Variants in LRBA observed in about 807,000 individuals in gnomAD.
LRBA encodes lipopolysaccharide-responsive and beige-like anchor protein.
In LRBA, 176 loss-of-function variants were observed where a neutral mutation model predicts 330.0. The observed-to-expected ratio is 0.53, with a 90% CI of 0.47 to 0.60. The LOEUF (loss-of-function observed/expected upper bound fraction) is 0.60, where lower values mean the gene tolerates loss of function less well. LRBA is among the 20% of genes least tolerant of loss of function. The pLI, the probability that LRBA is intolerant of heterozygous loss-of-function variation, is 0.00. For synonymous variants in LRBA, 1,230 were observed against 1,193.0 expected (o/e 1.03, Z -0.64); for missense variants, 3,259 against 3,444.8 (o/e 0.95, Z 1.35).
chr4:150,680,085 C>T (rs1047767633), intron 37 of LRBA, among the ~76,000 whole-genome samples: 1 of 152,084 alleles, frequency 6.6e-6, no homozygotes, highest in African/African-American at 2.4e-5. Context: ...CTCCATGCAC[C>T]GGAAAAAAAT....
At chr4:150,380,657 CTT>C (rs1742079331) in intron 47 of LRBA, among the ~76,000 whole-genome samples, 1 of 151,932 alleles carries the variant, frequency 6.6e-6, no homozygotes, top group Non-Finnish European at 1.5e-5. Flanking sequence ...ATTATTTTCT[CTT>C]GTTTATTTTT....
At chr4:150,874,295 G>A (rs1398717471) in intron 17 of LRBA, among the ~76,000 whole-genome samples, 1 of 152,146 alleles carries the variant, frequency 6.6e-6, no homozygotes, top group Non-Finnish European at 1.5e-5. Flanking sequence ...GGAGCTAACT[G>A]GGAAAGAGGT....
intron 34 of LRBA, among the ~76,000 whole-genome samples, chr4:150,791,398 T>C (rs985576314): frequency 6.6e-6 from 1 of 152,246 alleles, no homozygotes; most frequent in Non-Finnish European, 1.5e-5. Context: ...TATTATCTTA[T>C]ATTACAATTA....
At chr4:150,360,020 G>A (rs1275056882) in intron 47 of LRBA, among the ~76,000 whole-genome samples, 1 of 151,770 alleles carries the variant, frequency 6.6e-6, no homozygotes, top group African/African-American at 2.4e-5. Context: ...ATGTTCAATA[G>A]TGGAATGCAC....
intron 40 of LRBA, among the ~76,000 whole-genome samples, chr4:150,558,958 T>C (rs971357054): frequency 6.6e-6 from 1 of 152,072 alleles, no homozygotes; most frequent in Non-Finnish European, 1.5e-5. Flanking sequence ...AGACTAGCAA[T>C]ATCAGACAAC....
chr4:150,944,740 T>C (rs1187560004), intron 2 of LRBA, among the ~76,000 whole-genome samples: 1 of 152,226 alleles, frequency 6.6e-6, no homozygotes, highest in Non-Finnish European at 1.5e-5. Context: ...GGCATGACTC[T>C]ATACATCTGA....
chr4:150,689,886 C>T (rs531916941), intron 36 of LRBA, among the ~76,000 whole-genome samples: 1 of 152,118 alleles, frequency 6.6e-6, no homozygotes, highest in South Asian at 2.1e-4. Context: ...GATTGTGCCA[C>T]TGCACTCCAG....
At chr4:150,362,977 AT>A (rs1259912938) in intron 47 of LRBA, among the ~76,000 whole-genome samples, 1 of 152,058 alleles carries the variant, frequency 6.6e-6, no homozygotes, top group African/African-American at 2.4e-5. Context: ...AAAATAAAAA[AT>A]AAAAAATAGC....
At chr4:150,427,899 T>C (rs1033954514) in intron 46 of LRBA, among the ~76,000 whole-genome samples, 1 of 151,952 alleles carries the variant, frequency 6.6e-6, no homozygotes, top group Admixed American at 6.6e-5. Flanking sequence ...ATGGAATGTA[T>C]TAACATGGTA....
At chr4:150,476,812 C>G (rs576371025) in intron 42 of LRBA, among the ~76,000 whole-genome samples, 1 of 152,256 alleles carries the variant, frequency 6.6e-6, no homozygotes, top group East Asian at 1.9e-4. Context: ...AAACTGGTAT[C>G]TGTGTGTATA....
chr4:150,632,130 C>G (rs909223646), intron 37 of LRBA, among the ~76,000 whole-genome samples: 2 of 151,700 alleles, frequency 1.3e-5, no homozygotes, highest in South Asian at 4.1e-4. Context: ...ACTTGGGAGG[C>G]TGAGGCAGGA....
chr4:150,527,502 A>G (rs2152188818), intron 40 of LRBA, among the ~76,000 whole-genome samples: 1 of 152,334 alleles, frequency 6.6e-6, no homozygotes, highest in East Asian at 1.9e-4. Context: ...ACAAGGGACC[A>G]ATAAGACAAA....
At chr4:150,893,198 T>C (rs1481762122) in intron 16 of LRBA, 49 bp from the exon 17 acceptor site, 1 of 979,508 alleles carries the variant, frequency 1.0e-6, no homozygotes, top group Admixed American at 2.1e-5. Flanking sequence ...AAAAACAACT[T>C]AGTTGAATAA....
At chr4:150,333,744 T>C (rs1345567007) in intron 48 of LRBA, among the ~76,000 whole-genome samples, 1 of 152,164 alleles carries the variant, frequency 6.6e-6, no homozygotes, top group African/African-American at 2.4e-5. Flanking sequence ...TTTGGAGGTA[T>C]GGTTCAACTT....
intron 36 of LRBA, among the ~76,000 whole-genome samples, chr4:150,707,626 A>G (rs1785761127): frequency 6.6e-6 from 1 of 151,714 alleles, no homozygotes; most frequent in Non-Finnish European, 1.5e-5. Context: ...TTTGTCCTAG[A>G]ATTGGGGATG....
chr4:150,710,911 T>C (rs1489370913), intron 36 of LRBA, among the ~76,000 whole-genome samples: 1 of 151,926 alleles, frequency 6.6e-6, no homozygotes, highest in Non-Finnish European at 1.5e-5. Flanking sequence ...AGGATACTAT[T>C]ATTCAGGCTA....
intron 14 of LRBA, among the ~76,000 whole-genome samples, chr4:150,898,875 A>G (rs1327728075): frequency 2.6e-5 from 4 of 152,294 alleles, no homozygotes; most frequent in South Asian, 2.1e-4. Flanking sequence ...TAAAAAGTTC[A>G]TAGCTTGCTA....
At position 150,282,608 on chromosome 4, in the gene LRBA, A is replaced by G; in HGVS notation, c.8158T>C (p.Leu2720=). The G allele has an allele frequency of 6.2e-7, 1 of 1,613,314 alleles. No homozygotes were observed. The highest frequency in any genetic ancestry group is 8.5e-7 in the Non-Finnish European group (1 of 1,179,546). The change falls in exon 55 of 57, where the codon TTG becomes CTG. Residue 2720 remains leucine (L), a synonymous_variant. Coordinates refer to ENST00000651943, the MANE Select transcript of LRBA (RefSeq NM_001364905.1). ...TTTTCAGGACCCTCCAAGGTCCTCA[A>G]CAAGTCTCCATTCATGGAATGTATG... ...CLIHSMNGDL[L]RTLEGPENCL...
intron 49 of LRBA, among the ~76,000 whole-genome samples, chr4:150,323,766 T>C (rs7683815): frequency 0.87 from 132,628 of 152,178 alleles, 58,495 homozygotes; most frequent in Non-Finnish European, 0.93. Context: ...AAGAAAACCA[T>C]ACCCCACACT....
Sources: gnomAD v4.1 joint callset for allele counts (sites outside exome capture counted in the v4.1 genomes callset) on GRCh38, gnomAD v4.1.1 for gene constraint, MANE v1.5 for transcripts, NCBI Gene and HGNC (gene_info 2026-07-23, HGNC 2026-07-21) for gene names.